Variants in EDAR observed in about 807,000 individuals in gnomAD.
EDAR encodes the protein tumor necrosis factor receptor superfamily member EDAR.
EDAR carries 38 observed loss-of-function variants against 51.3 expected under a neutral mutation model. That is an observed-to-expected ratio of 0.74 (90% CI 0.57 to 0.97). The LOEUF is 0.97. EDAR is among the 50% of genes least tolerant of loss of function. EDAR has a pLI of 0.00. For missense variants in EDAR, 528 were observed against 595.0 expected, an observed-to-expected ratio of 0.89 and a Z score of 1.17; for synonymous variants, 227 against 242.1, an observed-to-expected ratio of 0.94 and a Z score of 0.58.
chr2:108,930,661 G>A lies in EDAR; in HGVS notation c.51+303C>T, dbSNP rs536180377. Among the ~76,000 whole-genome samples the A allele has an allele frequency of 5.9e-5, 9 of 152,250 alleles. No homozygotes were observed. The South Asian group carries it at 1.2e-3, about 21-fold the overall frequency. On this transcript the variant is annotated intron_variant, in intron 2 of 11. Transcript: ENST00000258443. ...AGTCTTCCAAGTCTTTCTTAGCTGC[G>A]CGGCCCCCAAGCATGAGCTCATCAC...
At chr2:108,912,113 A>G (rs918532353) in intron 6 of EDAR, among the ~76,000 whole-genome samples, 2 of 152,150 alleles carry the variant, frequency 1.3e-5, no homozygotes, top group Non-Finnish European at 2.9e-5. Context: ...AGGGTACCTC[A>G]CGGCTCGCTG....
chr2:108,958,508 G>A (rs1207316077), intron 1 of EDAR, among the ~76,000 whole-genome samples: 1 of 151,932 alleles, frequency 6.6e-6, no homozygotes, highest in Non-Finnish European at 1.5e-5. Context: ...TTCAGGCAGG[G>A]GGCAGAACAG....
chr2:108,987,369 A>G (rs1351588719), intron 1 of EDAR, among the ~76,000 whole-genome samples: 2 of 152,190 alleles, frequency 1.3e-5, no homozygotes, highest in East Asian at 3.9e-4. Flanking sequence ...GAGATGGGGT[A>G]AGACCAGGTC....
At chr2:108,931,812 T>C (rs1697371882) in intron 1 of EDAR, among the ~76,000 whole-genome samples, 1 of 152,184 alleles carries the variant, frequency 6.6e-6, no homozygotes, top group Non-Finnish European at 1.5e-5. Flanking sequence ...GTCTGGGTAT[T>C]AATTAGCCTG....
chr2:108,944,730 C>T (rs1037823022), intron 1 of EDAR, among the ~76,000 whole-genome samples: 3 of 152,266 alleles, frequency 2.0e-5, no homozygotes, highest in South Asian at 2.1e-4. Flanking sequence ...GCACCCCCAC[C>T]GTGCAGAGGA....
rs1177289053 is a variant in EDAR, at chr2:108,895,446, AG to A, written c.*1460del. 6.6e-6 allele frequency: 1 copy of A among 152,564 alleles called. No homozygotes were observed. The highest frequency in any genetic ancestry group is 1.5e-5 in the Non-Finnish European group (1 of 68,040). The allele number at this position is 152,564 out of a possible 1,614,324, so 9.5% of individuals were successfully genotyped here. A position where few individuals can be genotyped will look rare whatever the true frequency, so the allele number is the denominator to read the frequency against. On this transcript the variant is annotated 3_prime_UTR_variant, in exon 12 of 12. Coordinates refer to ENST00000258443, the MANE Select transcript of EDAR (RefSeq NM_022336.4). ...CTGAGCTCTTGGCAGTTACAGGGAT[AG>A]TACAATAATATGCCAAGAACAATGC...
At chr2:108,922,106 C>G (rs926437301) in intron 5 of EDAR, among the ~76,000 whole-genome samples, 1 of 152,236 alleles carries the variant, frequency 6.6e-6, no homozygotes, top group Non-Finnish European at 1.5e-5. Flanking sequence ...GGCTGCCAGA[C>G]ATTGAACATT....
chr2:108,915,854 G>A (rs755591119), intron 5 of EDAR, among the ~76,000 whole-genome samples: 2 of 151,786 alleles, frequency 1.3e-5, no homozygotes, highest in Admixed American at 6.6e-5. Flanking sequence ...TCGAGACCAC[G>A]CCATTGCACT....
intron 1 of EDAR, among the ~76,000 whole-genome samples, chr2:108,951,604 T>C (rs73952569): frequency 0.022 from 3,380 of 152,180 alleles, 129 homozygotes; most frequent in African/African-American, 0.078. Flanking sequence ...ATAAAGGTGA[T>C]ATGGTTTACA....
chr2:108,988,178 T>C (rs1194769321), intron 1 of EDAR, among the ~76,000 whole-genome samples: 1 of 152,212 alleles, frequency 6.6e-6, no homozygotes, highest in Non-Finnish European at 1.5e-5. Context: ...CTCTTGTTGC[T>C]GACCCAGCAC....
intron 1 of EDAR, among the ~76,000 whole-genome samples, chr2:108,957,685 C>G (rs893181663): frequency 6.6e-6 from 1 of 152,240 alleles, no homozygotes; most frequent in Non-Finnish European, 1.5e-5. Flanking sequence ...ATGTCCAAAC[C>G]CCATCCTTCA....
Position 108,946,768 on chromosome 2 carries a change from C to T in EDAR, c.-18-15736G>A, listed in dbSNP as rs572401055. Among the ~76,000 whole-genome samples, 163 of 152,254 alleles carry T rather than the reference C, an allele frequency of 1.1e-3. 5 individuals are homozygous for T. The South Asian group carries it at 0.032, about 30-fold the overall frequency. ...ATCATGAGAACATCATGGGGGAAAG[C>T]GCCCCATGATCCAATCACCTCCCAC... On this transcript the variant is annotated intron_variant, in intron 1 of 11. Transcript: ENST00000258443.
intron 5 of EDAR, among the ~76,000 whole-genome samples, chr2:108,921,047 G>A (rs1225368705): frequency 6.6e-6 from 1 of 152,190 alleles, no homozygotes. Flanking sequence ...AATCGGGGGT[G>A]GGCCAAGCAA....
intron 1 of EDAR, among the ~76,000 whole-genome samples, chr2:108,965,546 A>G (rs1574409239): frequency 6.6e-6 from 1 of 151,894 alleles, no homozygotes; most frequent in African/African-American, 2.4e-5. Context: ...TACAGACAGG[A>G]AGATCCTTAG....
intron 1 of EDAR, among the ~76,000 whole-genome samples, chr2:108,944,914 C>T (rs536722261): frequency 6.6e-6 from 1 of 152,188 alleles, no homozygotes; most frequent in Non-Finnish European, 1.5e-5. Flanking sequence ...GCTTTGAGCC[C>T]TTTGACATGA....
intron 1 of EDAR, among the ~76,000 whole-genome samples, chr2:108,948,336 T>G (rs1697754208): frequency 6.6e-6 from 1 of 152,232 alleles, no homozygotes; most frequent in Admixed American, 6.5e-5. Context: ...TCCTGTCTTC[T>G]TCTGAGCTTT....
chr2:108,943,546 G>A (rs1697649577), intron 1 of EDAR, among the ~76,000 whole-genome samples: 1 of 152,212 alleles, frequency 6.6e-6, no homozygotes, highest in Non-Finnish European at 1.5e-5. Context: ...GGCAGGTGGT[G>A]ACTAGTCCGA....
In EDAR at chr2:108,930,201, G is replaced by A. The variant is rs749688157; in HGVS notation, c.93C>T (p.Cys31=). Residue 31 remains cysteine (C), a synonymous_variant, in exon 3 of 12, where the codon TGC becomes TGT. Transcript: ENST00000258443. ...TCTGGTTGTAGTACTCGTTCTCACC[G>A]CAGTTTGAGTATTCCGCTCGGGCTG... ...MCSARAEYSN[C]GENEYYNQTT... 1.2e-5 allele frequency: 20 copies of A among 1,613,984 alleles called. No individual in the cohort carries two copies. Among genetic ancestry groups the A allele is most frequent in the East Asian group, 8.9e-5 (4 of 44,884 alleles).
At chr2:108,930,029 T>C in intron 3 of EDAR, 91 bp downstream of exon 3, 1 of 1,475,264 alleles carries the variant, frequency 6.8e-7, no homozygotes, top group Non-Finnish European at 9.1e-7. Context: ...TGGCATCCCC[T>C]CACACAGCAA....
Sources: allele counts gnomAD v4.1 joint callset (sites outside exome capture counted in the v4.1 genomes callset), GRCh38; gene constraint gnomAD v4.1.1; transcripts MANE v1.5; gene names NCBI Gene and HGNC (gene_info 2026-07-23, HGNC 2026-07-21).